POR: variants seen among roughly 807,000 people sequenced by gnomAD.
POR encodes the protein cytochrome p450 oxidoreductase.
A neutral mutation model predicts 84.0 loss-of-function variants in POR; 56 were observed. The observed-to-expected ratio is 0.67, with a 90% CI of 0.54 to 0.83. The LOEUF (loss-of-function observed/expected upper bound fraction) is 0.83, where lower values mean the gene tolerates loss of function less well. Among genes scored for constraint, POR ranks in the 40% least tolerant of loss-of-function variants. The probability of loss-of-function intolerance (pLI) is 0.00; values close to 1 mark genes in which losing one functional copy is unlikely to be tolerated. For synonymous variants in POR, 414 were observed against 400.5 expected (o/e 1.03, Z -0.40); for missense variants, 938 against 944.3 (o/e 0.99, Z 0.09).
chr7:75,940,164 GCCTCCGCCT>G (rs1807905331), intron 1 of POR, among the ~76,000 whole-genome samples: 1 of 152,146 alleles, frequency 6.6e-6, no homozygotes, highest in South Asian at 2.1e-4. Flanking sequence ...GCTCACTGCA[GCCTCCGCCT>G]CCTGGGTTCA....
chr7:75,985,838 T>G lies in POR; in HGVS notation c.1658T>G (p.Leu553Arg), dbSNP rs1554559198. 2 of 1,550,730 alleles carry G rather than the reference T, an allele frequency of 1.3e-6. No individual in the cohort carries two copies. The highest frequency in any genetic ancestry group is 8.7e-7 in the Non-Finnish European group (1 of 1,144,678). ...GGCTTCATCCAGGAGCGGGCCTGGC[T>G]GCGACAGCAGGGTGAGTGGGGTCCC... The change falls in exon 13 of 16, where the codon CTG becomes CGG. Residue 553 changes from leucine to arginine, a missense_variant. Transcript: ENST00000461988.
At chr7:75,942,824 C>G (rs1469160186) in intron 1 of POR, among the ~76,000 whole-genome samples, 2 of 152,034 alleles carry the variant, frequency 1.3e-5, no homozygotes, top group Non-Finnish European at 2.9e-5. Flanking sequence ...TTGCATATAA[C>G]TGCTGTTTTG....
intron 4 of POR, chr7:75,979,841 G>A (rs1477425664): frequency 6.6e-5 from 30 of 451,408 alleles, no homozygotes; most frequent in Non-Finnish European, 9.2e-5. Flanking sequence ...CCCTCCTGGC[G>A]GCCGCCACAT....
intron 1 of POR, among the ~76,000 whole-genome samples, chr7:75,927,821 C>T (rs1807208840): frequency 6.6e-6 from 1 of 151,596 alleles, no homozygotes; most frequent in African/African-American, 2.4e-5. Context: ...CAGGTGCCCA[C>T]CACCACACCC....
At chr7:75,980,890 C>G in intron 5 of POR, 158 bp from the exon 6 acceptor site, 4 of 1,086,842 alleles carry the variant, frequency 3.7e-6, no homozygotes, top group Non-Finnish European at 5.1e-6. Context: ...TTCAGTGGCC[C>G]AGTGTTCCTT....
intron 1 of POR, among the ~76,000 whole-genome samples, chr7:75,940,516 G>GTAAGCCACT (rs1554551380): frequency 6.8e-6 from 1 of 146,824 alleles, no homozygotes; most frequent in Non-Finnish European, 1.5e-5. Flanking sequence ...CGGGTGCAGT[G>GTAAGCCACT]GCTCACACCT....
intron 15 of POR, 22 bp downstream of exon 15, chr7:75,986,263 A>T (rs782729422): frequency 6.2e-7 from 1 of 1,612,604 alleles, no homozygotes; most frequent in Admixed American, 1.7e-5. Context: ...GGGTCACTGG[A>T]ATAGGGGGCA....
Position 75,983,527 on chromosome 7 carries a change from G to C in POR, c.838G>C (p.Asp280His), listed in dbSNP as rs781866008. The C allele has an allele frequency of 2.5e-6, 4 of 1,612,512 alleles. No homozygotes were observed. Among genetic ancestry groups the C allele is most frequent in the Non-Finnish European group, 3.4e-6 (4 of 1,179,618 alleles). The change falls in exon 9 of 16, where the codon GAT becomes CAT. Residue 280 changes from aspartate (D) to histidine (H), a missense_variant. Transcript: ENST00000461988. ...TCTCTCCTCCCCACCCAGCCCCTTT[G>C]ATGCCAAGAATCCGTTCCTGGCTGC...
intron 1 of POR, among the ~76,000 whole-genome samples, chr7:75,931,023 A>G (rs1200402871): frequency 2.0e-5 from 3 of 151,656 alleles, no homozygotes; most frequent in African/African-American, 4.8e-5. Flanking sequence ...GCGTTTCACT[A>G]TGTTACCCAG....
Position 75,984,963 on chromosome 7 carries a change from G to GCCC in POR, c.1248+8_1248+10dup. ...TCCTCCTCCGGCGAGGGCAAGGTGC[G>GCCC]CCCCCTCAGCCCCCGCAACCTCCGC... On this transcript the variant is annotated splice_donor_region_variant and intron_variant, in intron 11 of 15. Transcript: ENST00000461988. The GCCC allele has an allele frequency of 6.3e-7, 1 of 1,577,298 alleles. No homozygotes were observed. Among genetic ancestry groups the GCCC allele is most frequent in the African/African-American group, 1.3e-5 (1 of 74,594 alleles).
intron 1 of POR, among the ~76,000 whole-genome samples, chr7:75,936,034 ATCTTC>A (rs782004335): frequency 3.3e-5 from 5 of 149,430 alleles, no homozygotes; most frequent in Non-Finnish European, 5.9e-5. Context: ...GTACCTCTGA[ATCTTC>A]TTTTCTTAGG....
intron 1 of POR, among the ~76,000 whole-genome samples, chr7:75,953,296 G>C (rs1272458732): frequency 1.4e-5 from 2 of 139,186 alleles, no homozygotes; most frequent in East Asian, 4.4e-4. Context: ...CTGGGCATCA[G>C]AGGGAGACCG....
chr7:75,939,055 C>T (rs1228324339), intron 1 of POR, among the ~76,000 whole-genome samples: 7 of 152,176 alleles, frequency 4.6e-5, no homozygotes, highest in Non-Finnish European at 1.0e-4. Context: ...CCCATGCAGC[C>T]GTGACTGTTG....
intron 1 of POR, among the ~76,000 whole-genome samples, chr7:75,932,847 A>G (rs887728133): frequency 5.3e-5 from 8 of 152,102 alleles, no homozygotes; most frequent in Middle Eastern, 3.4e-3. Flanking sequence ...GTGAAACCCC[A>G]TCTCTACTAC....
chr7:75,917,798 C>T (rs1237646089), intron 1 of POR, among the ~76,000 whole-genome samples: 1 of 152,142 alleles, frequency 6.6e-6, no homozygotes, highest in African/African-American at 2.4e-5. Flanking sequence ...CGAGTACCCA[C>T]CACCTGGCCA....
In POR at chr7:75,942,123, A is replaced by T. The variant is rs185372219; in HGVS notation, c.-4-11866A>T. Among the ~76,000 whole-genome samples the T allele has an allele frequency of 3.9e-3, 598 of 152,276 alleles. 8 individuals carry two copies. The highest frequency in any genetic ancestry group is 2.1e-3 in the Non-Finnish European group (145 of 68,022). ...ACACCTGTAGTCCCAACTACTGTGG[A>T]GACTGAGGTGGGAGGATCACTTGAG... is the stretch of plus-strand genomic sequence containing the variant. On this transcript the variant is annotated intron_variant, in intron 1 of 15. Transcript: ENST00000461988.
At chr7:75,948,985 G>T (rs1787300262) in intron 1 of POR, among the ~76,000 whole-genome samples, 1 of 152,168 alleles carries the variant, frequency 6.6e-6, no homozygotes, top group Middle Eastern at 3.2e-3. Context: ...CAAATAATGA[G>T]ATGGCCATGT....
chr7:75,939,467 A>G (rs1384060710), intron 1 of POR, among the ~76,000 whole-genome samples: 1 of 151,354 alleles, frequency 6.6e-6, no homozygotes, highest in Non-Finnish European at 1.5e-5. Context: ...TCCGGAAGCA[A>G]CTCAGAGTTT....
intron 1 of POR, among the ~76,000 whole-genome samples, chr7:75,952,560 T>G (rs1456498123): frequency 6.9e-6 from 1 of 145,322 alleles, no homozygotes; most frequent in Admixed American, 6.8e-5. Context: ...TCCTCACTTC[T>G]CAGACGGGGC....
Sources: allele counts gnomAD v4.1 joint callset (sites outside exome capture counted in the v4.1 genomes callset), GRCh38; gene constraint gnomAD v4.1.1; transcripts MANE v1.5; gene names NCBI Gene and HGNC (gene_info 2026-07-23, HGNC 2026-07-21).